The following CDC5L variants were observed in gnomAD, a reference collection of about 807,000 sequenced individuals.
CDC5L encodes cell division cycle 5-like protein.
A neutral mutation model predicts 104.1 loss-of-function variants in CDC5L; 18 were observed. The observed-to-expected ratio is 0.17, with a 90% confidence interval of 0.12 to 0.26. The LOEUF is 0.26. Among genes scored for constraint, CDC5L ranks in the 10% least tolerant of loss-of-function variants. The pLI is 1.00. For missense variants in CDC5L, 673 were observed against 956.9 expected (o/e 0.70, Z 3.91); for synonymous variants, 331 against 322.7 (o/e 1.03, Z -0.28).
chr6:44,390,579 C>T (rs1195686820), intron 2 of CDC5L, among the ~76,000 whole-genome samples: 1 of 152,138 alleles, frequency 6.6e-6, no homozygotes, highest in East Asian at 1.9e-4. Context: ...CTCCCCTGCC[C>T]TTGTTTTCTC....
intron 7 of CDC5L, 118 bp downstream of exon 7, chr6:44,406,585 A>G (rs1472548367): frequency 8.9e-6 from 8 of 896,230 alleles, no homozygotes; most frequent in Non-Finnish European, 1.4e-5. Flanking sequence ...AGAAATTCAC[A>G]GTTTAATGGG....
At chr6:44,390,961 CAT>C (rs1393930053) in intron 2 of CDC5L, among the ~76,000 whole-genome samples, 75 of 122,270 alleles carry the variant, frequency 6.1e-4, no homozygotes, top group African/African-American at 2.1e-3. Context: ...ATATATTAAA[CAT>C]ATTTAATATG....
chr6:44,426,414 G>GT, intron 12 of CDC5L, 68 bp from the exon 13 acceptor site: 1 of 968,364 alleles, frequency 1.0e-6, no homozygotes. Flanking sequence ...AATTCATGCT[G>GT]TAACAGGTAA....
rs1219892451 is a variant in CDC5L, at chr6:44,424,695, T to C, written c.1569+112T>C. 2.1e-5 allele frequency: 19 copies of C among 891,490 alleles called. No individual in the cohort carries two copies. In the South Asian group the frequency reaches 2.4e-4, roughly 11 times the overall value. 55.2% of individuals were successfully genotyped at this position (891,490 alleles called of 1,614,324 possible). ...GATCTCTACCTAGTCCTTTTTAATA[T>C]TGAAAAAACTTCTAAAGTAAATAAC... On this transcript the variant is annotated intron_variant, in intron 11 of 15. Transcript: ENST00000371477.
At chr6:44,425,960 A>G in intron 11 of CDC5L, 143 bp from the exon 12 acceptor site, 1 of 531,134 alleles carries the variant, frequency 1.9e-6, no homozygotes, top group South Asian at 3.6e-5. Flanking sequence ...TTGCCTTAGC[A>G]TTGCCTTTCT....
Position 44,393,447 on chromosome 6 carries a change from G to T in CDC5L, c.313G>T (p.Asp105Tyr). ...QCLEHYEFLL[D>Y]KAAQRDNEEE... ...TAACTCCTATGGGCTTTTTTCTAGG[G>T]ATAAAGCTGCCCAAAGAGACAATGA... Residue 105 changes from aspartate to tyrosine, a missense_variant and splice_region_variant, in exon 4 of 16, where the codon GAT (aspartate) becomes TAT (tyrosine). Around this residue, in one of 4 missense-constraint regions of CDC5L, gnomAD observed 74 missense variants for 123.5 expected, o/e 0.60. Coordinates refer to ENST00000371477, the MANE Select transcript of CDC5L (RefSeq NM_001253.4). 1.9e-6 allele frequency: 3 copies of T among 1,612,982 alleles called. No homozygotes were observed. The highest frequency in any genetic ancestry group is 2.5e-6 in the Non-Finnish European group (3 of 1,179,522).
Position 44,445,711 on chromosome 6 carries a change from G to C in CDC5L, c.2148G>C (p.Lys716Asn). 6.2e-7 allele frequency: 1 copy of C among 1,614,108 alleles called. No individual in the cohort carries two copies. Among genetic ancestry groups the C allele is most frequent in the Non-Finnish European group, 8.5e-7 (1 of 1,179,998 alleles). Residue 716 changes from lysine (K) to asparagine (N), a missense_variant, in exon 15 of 16, where the codon AAG becomes AAC. By Grantham distance (94) the Lys-to-Asn change is moderately conservative. Coordinates refer to ENST00000371477, the MANE Select transcript of CDC5L (RefSeq NM_001253.4). ...EAKRAAKMEK[K>N]MKILLGGYQS... is the part of the protein sequence containing the mutation. ...AGAGGGCTGCAAAGATGGAAAAGAA[G>C]ATGAAAATTTTGCTTGGGGGTTACC... is the stretch of plus-strand genomic sequence containing the variant.
At chr6:44,440,169 C>T (rs2153383809) in intron 14 of CDC5L, among the ~76,000 whole-genome samples, 1 of 151,828 alleles carries the variant, frequency 6.6e-6, no homozygotes, top group South Asian at 2.1e-4. Context: ...ATTTTAGATC[C>T]ATCTCATGTT....
At position 44,447,297 on chromosome 6, in the gene CDC5L, G is replaced by A. The variant is rs1793489362; in HGVS notation, c.*586G>A. 1 of 152,026 alleles carries A rather than the reference G, an allele frequency of 6.6e-6. No individual in the cohort carries two copies. The highest frequency in any genetic ancestry group is 2.1e-4 in the South Asian group (1 of 4,826). The allele number at this position is 152,026 out of a possible 1,614,324, so 9.4% of individuals were successfully genotyped here. ...TTTTTGTTAATATCACTTTAAAGAA[G>A]GTCTCTTGTCTGCCAGCTACTTAAA... On this transcript the variant is annotated 3_prime_UTR_variant, in exon 16 of 16. Transcript: ENST00000371477.
rs1793468786 is a variant in CDC5L at position 44,446,686 on chromosome 6, A to G, written c.2384A>G (p.Lys795Arg). Residue 795 changes from lysine (K) to arginine (R), a missense_variant, in exon 16 of 16, where the codon AAA becomes AGA. Lys to Arg is a conservative substitution (Grantham distance 26). This residue lies in a region of CDC5L where 578 missense variants were observed against 737.0 expected (regional missense o/e 0.78). Transcript: ENST00000371477. ...QHRYADLLLE[K>R]ETLKSKF ...AGATATGCTGATTTGCTGCTGGAGA[A>G]AGAGACTTTAAAGTCAAAATTCTGA... 1.9e-6 allele frequency: 3 copies of G among 1,575,828 alleles called. No homozygotes were observed. The South Asian group carries it at 3.5e-5, about 18-fold the overall frequency.
At chr6:44,436,740 G>T (rs1199425634) in intron 14 of CDC5L, among the ~76,000 whole-genome samples, 1 of 152,060 alleles carries the variant, frequency 6.6e-6, no homozygotes, top group Non-Finnish European at 1.5e-5. Context: ...TTATTTTGAA[G>T]CAAATTTTAG....
At position 44,446,698 on chromosome 6, in the gene CDC5L, A is replaced by G. The variant is rs1283635945; in HGVS notation, c.2396A>G (p.Lys799Arg). The change falls in exon 16 of 16, where the codon AAG (lysine) becomes AGG (arginine). Residue 799 changes from lysine to arginine, a missense_variant. Coordinates refer to ENST00000371477, the MANE Select transcript of CDC5L (RefSeq NM_001253.4). Reference protein sequence around the residue: ...ADLLLEKETLKSKF With the variant: ...ADLLLEKETLRSKF Reference sequence around the variant, plus strand: ...TTGCTGCTGGAGAAAGAGACTTTAAAGTCAAAATTCTGAAGTACAGTTTAT... The same window carrying G: ...TTGCTGCTGGAGAAAGAGACTTTAAGGTCAAAATTCTGAAGTACAGTTTAT... 6 of 1,544,758 alleles carry G rather than the reference A, an allele frequency of 3.9e-6. No individual in the cohort carries two copies. The highest frequency in any genetic ancestry group is 3.5e-6 in the Non-Finnish European group (4 of 1,129,082).
intron 1 of CDC5L, among the ~76,000 whole-genome samples, chr6:44,388,081 C>T (rs1446235318): frequency 2.6e-5 from 4 of 151,730 alleles, no homozygotes; most frequent in African/African-American, 9.7e-5. Flanking sequence ...CCTGGCTACT[C>T]GGCTCCAAGC....
At chr6:44,440,353 T>G (rs1793125502) in intron 14 of CDC5L, among the ~76,000 whole-genome samples, 1 of 151,508 alleles carries the variant, frequency 6.6e-6, no homozygotes, top group South Asian at 2.1e-4. Context: ...GTGATTCTCC[T>G]GTCTCAGCCT....
In CDC5L at chr6:44,391,057, CAT is replaced by C. The variant is rs1347175048; in HGVS notation, c.149+689_149+690del. 7.0e-4 allele frequency among the ~76,000 whole-genome samples: 83 copies of C among 119,012 alleles called. 3 individuals carry two copies. Among genetic ancestry groups the C allele is most frequent in the South Asian group, 1.6e-3 (6 of 3,678 alleles). 78.1% of individuals were successfully genotyped at this position (119,012 alleles called of 152,430 possible). A position where few individuals can be genotyped will look rare whatever the true frequency, so the allele number is the denominator to read the frequency against. On this transcript the variant is annotated intron_variant, in intron 2 of 15. Transcript: ENST00000371477. ...AATATGTTATATATTATATATTAAA[CAT>C]ATTTAATATGTTATATATTATATAT...
At chr6:44,393,838 A>G (rs936165667) in intron 4 of CDC5L, among the ~76,000 whole-genome samples, 1 of 151,308 alleles carries the variant, frequency 6.6e-6, no homozygotes, top group Non-Finnish European at 1.5e-5. Flanking sequence ...CTAATTTTTA[A>G]ATTTTTTTGT....
At chr6:44,436,329 C>T (rs1208775522) in intron 14 of CDC5L, among the ~76,000 whole-genome samples, 1 of 152,090 alleles carries the variant, frequency 6.6e-6, no homozygotes, top group Non-Finnish European at 1.5e-5. Flanking sequence ...TGAGGAATGT[C>T]TGAAGTTTTA....
chr6:44,395,631 A>G (rs1790835948), intron 4 of CDC5L, among the ~76,000 whole-genome samples: 1 of 152,246 alleles, frequency 6.6e-6, no homozygotes, highest in South Asian at 2.1e-4. Flanking sequence ...CTGCATCATT[A>G]TCACAGGGGG....
At chr6:44,444,360 T>C (rs1422328117) in intron 14 of CDC5L, among the ~76,000 whole-genome samples, 1 of 152,186 alleles carries the variant, frequency 6.6e-6, no homozygotes, top group Non-Finnish European at 1.5e-5. Flanking sequence ...CTTCCAGAGC[T>C]TAGGTTGTGA....
Sources: gnomAD v4.1 joint callset for allele counts (sites outside exome capture counted in the v4.1 genomes callset) on GRCh38, gnomAD v4.1.1 for gene constraint, gnomAD v4.1.1 regional missense constraint, MANE v1.5 for transcripts, NCBI Gene and HGNC (gene_info 2026-07-23, HGNC 2026-07-21) for gene names.